The following NDUFS1 variants were observed in gnomAD, a reference collection of about 807,000 sequenced individuals.
NDUFS1 encodes the protein NADH:ubiquinone oxidoreductase core subunit S1.
A neutral mutation model predicts 84.4 loss-of-function variants in NDUFS1; 61 were observed. The ratio of observed to expected loss-of-function variants is 0.72; its 90% CI spans 0.59 to 0.89. The LOEUF is 0.89. NDUFS1 is among the 40% of genes least tolerant of loss of function. The pLI, the probability that NDUFS1 is intolerant of heterozygous loss-of-function variation, is 0.00. For synonymous variants in NDUFS1, 275 were observed against 290.0 expected (o/e 0.95, Z 0.53); for missense variants, 891 against 890.0 (o/e 1.00, Z -0.01).
chr2:206,147,766 T>G lies in NDUFS1; in HGVS notation c.407A>C (p.Glu136Ala). The G allele has an allele frequency of 1.2e-6, 2 of 1,614,112 alleles. No individual in the cohort carries two copies. Among genetic ancestry groups the G allele is most frequent in the South Asian group, 2.2e-5 (2 of 91,084 alleles). Residue 136 changes from glutamate to alanine, a missense_variant, in exon 6 of 19, where the codon GAA becomes GCA. Transcript: ENST00000233190. ...TCTACTACATACCTGCAGATCACATTCACCTCCCTGGTCACAAATAGGACA... is the reference window on the plus strand; with the variant it reads ...TCTACTACATACCTGCAGATCACATGCACCTCCCTGGTCACAAATAGGACA... ...LDCPICDQGG[E>A]CDLQDQSMMF...
chr2:206,159,325 C>T lies in NDUFS1; in HGVS notation c.-5+16G>A. ...GGCCGACGCACCTCACCCTTCCCAT[C>T]CATACAAGACCTCACCTTCTCCCCG... On this transcript the variant is annotated intron_variant, in intron 1 of 18. Coordinates refer to ENST00000233190, the MANE Select transcript of NDUFS1 (RefSeq NM_005006.7). 1 of 623,600 alleles carries T rather than the reference C, an allele frequency of 1.6e-6. No individual in the cohort carries two copies. The highest frequency in any genetic ancestry group is 1.9e-5 in the South Asian group (1 of 53,250). The allele number at this position is 623,600 out of a possible 1,614,324, so 38.6% of individuals were successfully genotyped here. A position where few individuals can be genotyped will look rare whatever the true frequency, so the allele number is the denominator to read the frequency against.
At chr2:206,150,636 T>C (rs768874891) in intron 3 of NDUFS1, among the ~76,000 whole-genome samples, 18 of 152,330 alleles carry the variant, frequency 1.2e-4, no homozygotes, top group African/African-American at 3.4e-4. Flanking sequence ...AAAAGACAGA[T>C]AGTGTCCCAG....
At chr2:206,151,727 C>T (rs1043741522) in intron 3 of NDUFS1, among the ~76,000 whole-genome samples, 1 of 152,140 alleles carries the variant, frequency 6.6e-6, no homozygotes, top group African/African-American at 2.4e-5. Context: ...CATTTACCTG[C>T]TTTGTAGGAT....
intron 8 of NDUFS1, 113 bp from the exon 9 acceptor site, chr2:206,145,139 A>T (rs1437723054): frequency 2.7e-5 from 29 of 1,084,710 alleles, no homozygotes; most frequent in South Asian, 2.0e-4. Context: ...GAATTACTTT[A>T]AAAAATGAAG....
intron 12 of NDUFS1, among the ~76,000 whole-genome samples, chr2:206,141,356 C>A (rs1419673382): frequency 6.8e-6 from 1 of 146,314 alleles, no homozygotes; most frequent in Non-Finnish European, 1.5e-5. Context: ...CACGGTGAAA[C>A]CCCGTCTCTA....
chr2:206,147,071 G>A lies in NDUFS1; in HGVS notation c.569C>T (p.Ala190Val). 1 of 1,614,012 alleles carries A rather than the reference G, an allele frequency of 6.2e-7. No individual in the cohort carries two copies. The highest frequency in any genetic ancestry group is 8.5e-7 in the Non-Finnish European group (1 of 1,180,000). ...TRCIRFASEI[A>V]GVDDLGTTGR... ...TGTTGTTCCCAAATCATCTACTCCT[G>A]CAATCTCACTTGCAAACCTACAAGA... The change falls in exon 8 of 19, where the codon GCA becomes GTA. Residue 190 changes from alanine (A) to valine (V), a missense_variant. Transcript: ENST00000233190.
In NDUFS1 at chr2:206,116,703, TAGTGAGAC is replaced by T; in HGVS notation, c.*7474_*7481del. The T allele has an allele frequency of 3.0e-6, 1 of 334,100 alleles. No individual in the cohort carries two copies. Among genetic ancestry groups the T allele is most frequent in the East Asian group, 6.6e-5 (1 of 15,158 alleles). The allele number at this position is 334,100 out of a possible 1,614,324, so 20.7% of individuals were successfully genotyped here. A position where few individuals can be genotyped will look rare whatever the true frequency, so the allele number is the denominator to read the frequency against. ...GGGTTCAAGACGAGCCTGGGCAACA[TAGTGAGAC>T]CTGTCTCTATAAAATATTTTTAAAA... On this transcript the variant is annotated 3_prime_UTR_variant, in exon 19 of 19. Coordinates refer to ENST00000233190, the MANE Select transcript of NDUFS1 (RefSeq NM_005006.7).
chr2:206,131,740 C>T (rs926094419), intron 14 of NDUFS1, among the ~76,000 whole-genome samples: 3 of 152,044 alleles, frequency 2.0e-5, no homozygotes, highest in African/African-American at 7.2e-5. Flanking sequence ...GAGATCGAGA[C>T]CATCCTGGCT....
rs1409392850 is a variant in NDUFS1 at position 206,122,642 on chromosome 2, A to AAAAAAAAAAAAAAAAAAAAAC, written c.*1542_*1543insGTTTTTTTTTTTTTTTTTTTT. On this transcript the variant is annotated 3_prime_UTR_variant, in exon 19 of 19. Coordinates refer to ENST00000233190, the MANE Select transcript of NDUFS1 (RefSeq NM_005006.7). ...AAGACTCCATCTCAAAAAAAAAAAA[A>AAAAAAAAAAAAAAAAAAAAAC]AAACAAAGGGAAAAAGGGCATCCTA... 1 of 151,352 alleles carries AAAAAAAAAAAAAAAAAAAAAC rather than the reference A, an allele frequency of 6.6e-6. No individual in the cohort carries two copies. The highest frequency in any genetic ancestry group is 2.4e-5 in the African/African-American group (1 of 40,934). The allele number at this position is 151,352 out of a possible 1,614,324, so 9.4% of individuals were successfully genotyped here. A position where few individuals can be genotyped will look rare whatever the true frequency, so the allele number is the denominator to read the frequency against.
At position 206,123,397 on chromosome 2, in the gene NDUFS1, T is replaced by C. The variant is rs1232879015; in HGVS notation, c.*788A>G. 6.8e-6 allele frequency: 1 copy of C among 146,968 alleles called. No homozygotes were observed. The highest frequency in any genetic ancestry group is 1.5e-5 in the Non-Finnish European group (1 of 66,900). The allele number at this position is 146,968 out of a possible 1,614,324, so 9.1% of individuals were successfully genotyped here. Reference sequence around the variant, plus strand: ...TTATAGAAGCAGATTCAAGAGAAAATAGAAAAATGTGTTCACCATTAAACT... The same window carrying C: ...TTATAGAAGCAGATTCAAGAGAAAACAGAAAAATGTGTTCACCATTAAACT... On this transcript the variant is annotated 3_prime_UTR_variant, in exon 19 of 19. Transcript: ENST00000233190.
At chr2:206,143,586 CT>C (rs202112175) in intron 10 of NDUFS1, among the ~76,000 whole-genome samples, 227 of 144,482 alleles carry the variant, frequency 1.6e-3, no homozygotes, top group African/African-American at 1.6e-3. Flanking sequence ...AGGAAGGCAG[CT>C]TTTTTTTTTT....
At position 206,144,908 on chromosome 2, in the gene NDUFS1, T is replaced by C; in HGVS notation, c.856A>G (p.Ile286Val). 1.2e-6 allele frequency: 2 copies of C among 1,614,088 alleles called. No homozygotes were observed. Among genetic ancestry groups the C allele is most frequent in the Non-Finnish European group, 1.7e-6 (2 of 1,179,988 alleles). Residue 286 changes from isoleucine to valine, a missense_variant, in exon 9 of 19, where the codon ATC (isoleucine) becomes GTC (valine). Coordinates refer to ENST00000233190, the MANE Select transcript of NDUFS1 (RefSeq NM_005006.7). ...RMHEDINEEW[I>V]SDKTRFAYDG... ...AGCATATACCTGGTTTTATCAGAGATCCACTCTTCATTGATGTCCTCATGC... is the reference window on the plus strand; with the variant it reads ...AGCATATACCTGGTTTTATCAGAGACCCACTCTTCATTGATGTCCTCATGC...
In NDUFS1 at chr2:206,146,997, T is replaced by C. The variant is rs878936573; in HGVS notation, c.643A>G (p.Met215Val). Residue 215 changes from methionine (M) to valine (V), a missense_variant, in exon 8 of 19, where the codon ATG (methionine) becomes GTG (valine). Physicochemically the swap from Met to Val is conservative, Grantham distance 21. Transcript: ENST00000233190. Reference sequence around the variant, plus strand: ...ATGATATTCCCAGACAGTTCAGACATGAACATCTTTTCAATGTATGTGCCA... The same window carrying C: ...ATGATATTCCCAGACAGTTCAGACACGAACATCTTTTCAATGTATGTGCCA... The part of the protein sequence containing the change: ...QVGTYIEKMF[M>V]SELSGNIIDI... 3.1e-6 allele frequency: 5 copies of C among 1,614,116 alleles called. No homozygotes were observed. The highest frequency in any genetic ancestry group is 2.2e-5 in the East Asian group (1 of 44,870).
intron 3 of NDUFS1, among the ~76,000 whole-genome samples, chr2:206,150,455 C>T (rs1692329917): frequency 6.6e-6 from 1 of 152,214 alleles, no homozygotes; most frequent in Admixed American, 6.5e-5. Flanking sequence ...CCCTGCTCTG[C>T]AATTTCTTCC....
In NDUFS1 at chr2:206,122,259, G is replaced by A. The variant is rs1691117950; in HGVS notation, c.*1926C>T. ...CAAAATGCTGGGCTTACAGGTGTGAGCCACTGCACCTGCTGTTTTTAAAGA... is the reference window on the plus strand; with the variant it reads ...CAAAATGCTGGGCTTACAGGTGTGAACCACTGCACCTGCTGTTTTTAAAGA... On this transcript the variant is annotated 3_prime_UTR_variant, in exon 19 of 19. Transcript: ENST00000233190. The A allele has an allele frequency of 6.6e-6, 1 of 151,942 alleles. No individual in the cohort carries two copies. Among genetic ancestry groups the A allele is most frequent in the Non-Finnish European group, 1.5e-5 (1 of 68,004 alleles). 9.4% of individuals were successfully genotyped at this position (151,942 alleles called of 1,614,324 possible).
At chr2:206,152,549 AG>A (rs917363700) in intron 2 of NDUFS1, 39 bp from the exon 3 acceptor site, 2 of 1,541,838 alleles carry the variant, frequency 1.3e-6, no homozygotes, top group African/African-American at 2.7e-5. Context: ...ACAGATTAAC[AG>A]TTTATTATAG....
At position 206,121,559 on chromosome 2, in the gene NDUFS1, T is replaced by G. The variant is rs1218793774; in HGVS notation, c.*2626A>C. 1 of 152,106 alleles carries G rather than the reference T, an allele frequency of 6.6e-6. No homozygotes were observed. The highest frequency in any genetic ancestry group is 1.9e-4 in the East Asian group (1 of 5,186). 9.4% of individuals were successfully genotyped at this position (152,106 alleles called of 1,614,324 possible). A position where few individuals can be genotyped will look rare whatever the true frequency, so the allele number is the denominator to read the frequency against. ...CGCCTTGACTCTCAGTTCAAGCGAT[T>G]TTCCTGCTTCAGCCTCCCCAGTAGC... On this transcript the variant is annotated 3_prime_UTR_variant, in exon 19 of 19. Coordinates refer to ENST00000233190, the MANE Select transcript of NDUFS1 (RefSeq NM_005006.7).
chr2:206,154,690 C>T (rs1429545406), intron 1 of NDUFS1, among the ~76,000 whole-genome samples: 1 of 152,202 alleles, frequency 6.6e-6, no homozygotes, highest in East Asian at 1.9e-4. Flanking sequence ...CTGGTGCAAT[C>T]TCGGCTCACT....
Position 206,120,615 on chromosome 2 carries a change from AG to A in NDUFS1, c.*3569del, listed in dbSNP as rs1691068343. On this transcript the variant is annotated 3_prime_UTR_variant, in exon 19 of 19. Transcript: ENST00000233190. ...GACTTAGGGTATCAGGGTATCTGGC[AG>A]AAGAAATTTCTAAGCAGCAAAGCAT... 6.6e-6 allele frequency: 1 copy of A among 152,458 alleles called. No individual in the cohort carries two copies. The highest frequency in any genetic ancestry group is 2.4e-5 in the African/African-American group (1 of 41,476). 9.4% of individuals were successfully genotyped at this position (152,458 alleles called of 1,614,324 possible). A position where few individuals can be genotyped will look rare whatever the true frequency, so the allele number is the denominator to read the frequency against.
Sources: gnomAD v4.1 joint callset for allele counts (sites outside exome capture counted in the v4.1 genomes callset) on GRCh38, gnomAD v4.1.1 for gene constraint, MANE v1.5 for transcripts, NCBI Gene and HGNC (gene_info 2026-07-23, HGNC 2026-07-21) for gene names.